Variants in COL14A1 observed in about 807,000 individuals in gnomAD.
COL14A1 encodes the protein collagen type XIV alpha 1 chain.
A neutral mutation model predicts 230.3 loss-of-function variants in COL14A1; 136 were observed. The ratio of observed to expected loss-of-function variants is 0.59; its 90% CI spans 0.51 to 0.68. The LOEUF is 0.68. COL14A1 is among the 30% of genes least tolerant of loss of function. The pLI is 0.00. For synonymous variants in COL14A1, 792 were observed against 784.1 expected, an observed-to-expected ratio of 1.01 and a Z score of -0.17; for missense variants, 1,976 against 2,215.8, an observed-to-expected ratio of 0.89 and a Z score of 2.17.
intron 4 of COL14A1, among the ~76,000 whole-genome samples, chr8:120,163,241 A>C (rs916646233): frequency 6.6e-6 from 1 of 152,230 alleles, no homozygotes; most frequent in African/African-American, 2.4e-5. Flanking sequence ...GAGAGAGTAC[A>C]TATAGGACTC....
At position 120,315,971 on chromosome 8, in the gene COL14A1, G is replaced by C; in HGVS notation, c.4633G>C (p.Gly1545Arg). ...TATCCCAGGAGGCGTTGGTTCACCA[G>C]GACGTGATGGCTCACCAGGCCAGAG... ...QGIPGGVGSPGRDGSPGQRGL... is the reference protein window; with the variant it reads ...QGIPGGVGSPRRDGSPGQRGL... The change falls in exon 40 of 48, where the codon GGA becomes CGA. Residue 1545 changes from glycine to arginine, a missense_variant. Transcript: ENST00000297848. 6.2e-7 allele frequency: 1 copy of C among 1,614,050 alleles called. No homozygotes were observed. Among genetic ancestry groups the C allele is most frequent in the Non-Finnish European group, 8.5e-7 (1 of 1,179,976 alleles).
chr8:120,266,952 A>T lies in COL14A1; in HGVS notation c.3073+69A>T, dbSNP rs760159915. 5 of 1,310,300 alleles carry T rather than the reference A, an allele frequency of 3.8e-6. No homozygotes were observed. The East Asian group carries it at 1.2e-4, about 30-fold the overall frequency. The allele number at this position is 1,310,300 out of a possible 1,614,324, so 81.2% of individuals were successfully genotyped here. On this transcript the variant is annotated intron_variant, in intron 25 of 47. Transcript: ENST00000297848. ...TTGTGTTGGTTTTGTTTGCCTGTTC[A>T]TTTCAAACCAGGATATTAATAAAGT...
rs1563724772 is a variant in COL14A1 at position 120,298,600 on chromosome 8, TATATATATATATATA to T, written c.4314+1013_4314+1027del. Reference sequence around the variant, plus strand: ...GATGTGTGTATACCCATATATTTTATATATATATATATATATATATATATATATATATATATATAC... The same window carrying T: ...GATGTGTGTATACCCATATATTTTATTATATATATATATATATATATATAC... On this transcript the variant is annotated intron_variant, in intron 35 of 47. Transcript: ENST00000297848. Among the ~76,000 whole-genome samples, 43 of 38,934 alleles carry T rather than the reference TATATATATATATATA, an allele frequency of 1.1e-3. 1 individual carries two copies. In the East Asian group the frequency reaches 0.023, roughly 21 times the overall value. 25.5% of individuals were successfully genotyped at this position (38,934 alleles called of 152,430 possible).
At chr8:120,134,948 C>G (rs1814662003) in intron 1 of COL14A1, among the ~76,000 whole-genome samples, 1 of 152,156 alleles carries the variant, frequency 6.6e-6, no homozygotes, top group African/African-American at 2.4e-5. Context: ...GCACTCCAGC[C>G]TGGGTGACAG....
At chr8:120,342,842 G>A (rs1465283675) in intron 44 of COL14A1, among the ~76,000 whole-genome samples, 1 of 152,126 alleles carries the variant, frequency 6.6e-6, no homozygotes, top group Admixed American at 6.6e-5. Context: ...TTATGGTGTT[G>A]ATTTTTATTA....
chr8:120,171,514 T>C (rs916945597), intron 5 of COL14A1, among the ~76,000 whole-genome samples: 3 of 152,134 alleles, frequency 2.0e-5, no homozygotes, highest in African/African-American at 7.2e-5. Flanking sequence ...AGATTAAGAG[T>C]TGTCTCTAAT....
At chr8:120,190,412 A>T (rs1304953852) in intron 5 of COL14A1, among the ~76,000 whole-genome samples, 1 of 152,114 alleles carries the variant, frequency 6.6e-6, no homozygotes, top group Non-Finnish European at 1.5e-5. Flanking sequence ...TAGGATGCGA[A>T]CATTTTCTCC....
chr8:120,162,618 C>T, intron 4 of COL14A1, 49 bp downstream of exon 4: 1 of 1,478,150 alleles, frequency 6.8e-7, no homozygotes. Flanking sequence ...CTGTCCCAGC[C>T]TTGGATTTGA....
At chr8:120,168,362 A>AGGCCACAGGCGATCT in intron 5 of COL14A1, 115 bp downstream of exon 5, 1 of 687,588 alleles carries the variant, frequency 1.5e-6, no homozygotes, top group Non-Finnish European at 2.5e-6. Flanking sequence ...TAATACGAAG[A>AGGCCACAGGCGATCT]TCGCCTGTGG....
intron 8 of COL14A1, among the ~76,000 whole-genome samples, chr8:120,202,967 C>T (rs1817297799): frequency 8.2e-6 from 1 of 122,348 alleles, no homozygotes; most frequent in Admixed American, 8.8e-5. Flanking sequence ...TGGCTTAATG[C>T]TATACAATAA....
intron 47 of COL14A1, 59 bp from the exon 48 acceptor site, chr8:120,371,093 G>A: frequency 2.1e-6 from 3 of 1,400,588 alleles, no homozygotes; most frequent in Non-Finnish European, 3.0e-6. Context: ...GGTGAGGGGA[G>A]AATATCAATT....
chr8:120,209,760 T>C lies in COL14A1; in HGVS notation c.1326T>C (p.Ala442=). The C allele has an allele frequency of 6.2e-7, 1 of 1,601,276 alleles. No homozygotes were observed. Among genetic ancestry groups the C allele is most frequent in the Non-Finnish European group, 8.5e-7 (1 of 1,176,224 alleles). Residue 442 remains alanine, a synonymous_variant, in exon 12 of 48, where the codon GCT becomes GCC. Transcript: ENST00000297848. ...EGLRGTETTL[A]LPMASDLLLY... is the part of the protein sequence containing the mutation. The stretch of plus-strand genomic sequence containing the variant: ...TTAAAAAAAAATCTCTTGCAGTTGC[T>C]TTACCGATGGCTTCTGACCTTCTAC...
chr8:120,256,751 G>C (rs904022798), intron 23 of COL14A1, among the ~76,000 whole-genome samples: 10 of 152,162 alleles, frequency 6.6e-5, no homozygotes, highest in African/African-American at 2.4e-4. Flanking sequence ...TTTAAGTCAC[G>C]CTTTAATATG....
intron 14 of COL14A1, among the ~76,000 whole-genome samples, chr8:120,224,043 T>TTTTTTTTG: frequency 6.9e-6 from 1 of 145,766 alleles, no homozygotes; most frequent in Non-Finnish European, 1.5e-5. Context: ...TTTTTTTTTT[T>TTTTTTTTG]TGAGACAGAG....
chr8:120,278,387 C>G, intron 27 of COL14A1, 48 bp from the exon 28 acceptor site: 1 of 1,576,720 alleles, frequency 6.3e-7, no homozygotes, highest in South Asian at 1.2e-5. Flanking sequence ...TCCAGAAAAA[C>G]AAAAATGGGA....
chr8:120,154,580 TA>T (rs1356562359), intron 2 of COL14A1, among the ~76,000 whole-genome samples: 2 of 152,176 alleles, frequency 1.3e-5, no homozygotes, highest in Non-Finnish European at 2.9e-5. Flanking sequence ...ATATCAGGCC[TA>T]ATCTCATGTG....
At chr8:120,154,349 G>A (rs1345821377) in intron 2 of COL14A1, among the ~76,000 whole-genome samples, 1 of 152,112 alleles carries the variant, frequency 6.6e-6, no homozygotes, top group Non-Finnish European at 1.5e-5. Context: ...TTTCTCTCCT[G>A]CCTATGAGCC....
intron 20 of COL14A1, among the ~76,000 whole-genome samples, chr8:120,245,079 A>G (rs769379630): frequency 6.6e-6 from 1 of 152,088 alleles, no homozygotes; most frequent in Non-Finnish European, 1.5e-5. Flanking sequence ...TCTACATGGT[A>G]TATGCTTTCC....
At position 120,283,663 on chromosome 8, in the gene COL14A1, C is replaced by T. The variant is rs151222898; in HGVS notation, c.3852C>T (p.Ser1284=). The T allele has an allele frequency of 1.3e-3, 2,051 of 1,612,718 alleles. 3 individuals carry two copies. Among genetic ancestry groups the T allele is most frequent in the Non-Finnish European group, 1.4e-3 (1,669 of 1,179,564 alleles). ...ACTTGCACCCAGAAGGATTGCCCTC[C>T]GACTACACAATCAGTTTTCTATTCC... ...TRYLHPEGLP[S]DYTISFLFRI... The change falls in exon 32 of 48, where the codon TCC becomes TCT. Residue 1284 remains serine, a synonymous_variant. Transcript: ENST00000297848.
Sources: gnomAD v4.1 joint callset for allele counts (sites outside exome capture counted in the v4.1 genomes callset) on GRCh38, gnomAD v4.1.1 for gene constraint, MANE v1.5 for transcripts, NCBI Gene and HGNC (gene_info 2026-07-23, HGNC 2026-07-21) for gene names.